The following SLC25A30 variants were observed in gnomAD, a reference collection of about 807,000 sequenced individuals.
The protein encoded by SLC25A30 is kidney mitochondrial carrier protein 1.
SLC25A30 carries 29 observed loss-of-function variants against 42.7 expected under a neutral mutation model. The ratio of observed to expected loss-of-function variants is 0.68; its 90% CI spans 0.51 to 0.93. The LOEUF (loss-of-function observed/expected upper bound fraction) is 0.93, where lower values mean the gene tolerates loss of function less well. Among genes scored for constraint, SLC25A30 ranks in the 40% least tolerant of loss-of-function variants. The probability of loss-of-function intolerance (pLI) is 0.00; values close to 1 mark genes in which losing one functional copy is unlikely to be tolerated. For synonymous variants in SLC25A30, 124 were observed against 131.0 expected, an observed-to-expected ratio of 0.95 and a Z score of 0.37; for missense variants, 300 against 359.7, an observed-to-expected ratio of 0.83 and a Z score of 1.34.
the SLC25A30 span, among the ~76,000 whole-genome samples, chr13:45,429,962 C>T: frequency 6.6e-6 from 1 of 151,702 alleles, no homozygotes; most frequent in Non-Finnish European, 1.5e-5. Flanking sequence ...GAAACTGATA[C>T]ATCACCTGAT....
chr13:45,424,902 A>ATT, the SLC25A30 span, among the ~76,000 whole-genome samples: 3 of 36,440 alleles, frequency 8.2e-5, no homozygotes, highest in African/African-American at 3.0e-4. Flanking sequence ...TTAAATATAT[A>ATT]TAAATATATA....
chr13:45,413,602 T>A (rs1238899678), intron 1 of SLC25A30, among the ~76,000 whole-genome samples: 1 of 150,932 alleles, frequency 6.6e-6, no homozygotes. Context: ...TCCCCCAGGC[T>A]GGAATGCAAT....
At chr13:45,423,604 TAA>T in the SLC25A30 span, among the ~76,000 whole-genome samples, 2 of 78,406 alleles carry the variant, frequency 2.6e-5, no homozygotes, top group East Asian at 5.3e-4. Flanking sequence ...TATATATATA[TAA>T]ATATATATAA....
chr13:45,423,862 AT>A, the SLC25A30 span, among the ~76,000 whole-genome samples: 1 of 74,972 alleles, frequency 1.3e-5, no homozygotes, highest in Admixed American at 2.5e-4. Flanking sequence ...ATATATATAA[AT>A]ATATATAAAA....
chr13:45,429,516 C>T, the SLC25A30 span, among the ~76,000 whole-genome samples: 198 of 152,156 alleles, frequency 1.3e-3, no homozygotes, highest in African/African-American at 4.6e-3. Context: ...GAAAGGAATT[C>T]TCAAGATGAC....
chr13:45,414,552 A>T (rs1883330585), intron 1 of SLC25A30, among the ~76,000 whole-genome samples: 1 of 150,598 alleles, frequency 6.6e-6, no homozygotes, highest in African/African-American at 2.4e-5. Context: ...GGGAGGCGGA[A>T]GTTGCAGTGA....
At position 45,393,555 on chromosome 13, in the gene SLC25A30, C is replaced by CA. The variant is rs889823726; in HGVS notation, c.*2418dup. ...TTACACAAATCCATAAGCACACAAA[C>CA]AAAAAAACCCATTGGTTATAAAAAC... On this transcript the variant is annotated 3_prime_UTR_variant, in exon 10 of 10. Coordinates refer to ENST00000519676, the MANE Select transcript of SLC25A30 (RefSeq NM_001010875.4). The CA allele has an allele frequency of 2.3e-5, 23 of 985,056 alleles. No individual in the cohort carries two copies. In the African/African-American group the frequency reaches 3.0e-4, roughly 13 times the overall value. The allele number at this position is 985,056 out of a possible 1,614,324, so 61.0% of individuals were successfully genotyped here.
rs1881124949 is a variant in SLC25A30 at position 45,393,886 on chromosome 13, GTAA to G, written c.*2085_*2087del. The G allele has an allele frequency of 3.0e-6, 3 of 985,134 alleles. No individual in the cohort carries two copies. The highest frequency in any genetic ancestry group is 1.2e-6 in the Non-Finnish European group (1 of 829,900). 61.0% of individuals were successfully genotyped at this position (985,134 alleles called of 1,614,324 possible). ...ACATGTATGTAATTTGAATAAACTG[GTAA>G]TAATACTGTCTGACATTCGCTCTTT... On this transcript the variant is annotated 3_prime_UTR_variant, in exon 10 of 10. Coordinates refer to ENST00000519676, the MANE Select transcript of SLC25A30 (RefSeq NM_001010875.4).
At chr13:45,423,508 G>C in the SLC25A30 span, among the ~76,000 whole-genome samples, 31 of 122,324 alleles carry the variant, frequency 2.5e-4, no homozygotes, top group African/African-American at 9.2e-4. Context: ...ATTAAGAATA[G>C]TTTATATATA....
rs1882760568 is a variant in SLC25A30, at chr13:45,408,935, G to C, written c.204C>G (p.Leu68=). 1 of 1,608,590 alleles carries C rather than the reference G, an allele frequency of 6.2e-7. No homozygotes were observed. Among genetic ancestry groups the C allele is most frequent in the Non-Finnish European group, 8.5e-7 (1 of 1,177,890 alleles). The stretch of plus-strand genomic sequence containing the variant: ...CATGAAGGCCTACTCACCCCGAGTA[G>C]AGTGCTTTCAGCCCTTCTTCTCTGC... ...RIGREEGLKA[L]YSGIAPAMLR... is the part of the protein sequence containing the mutation. The change falls in exon 3 of 10, where the codon CTC becomes CTG. Residue 68 remains leucine (L), a synonymous_variant. Transcript: ENST00000519676.
intron 8 of SLC25A30, 41 bp from the exon 9 acceptor site, chr13:45,397,379 A>G: frequency 7.2e-7 from 1 of 1,386,102 alleles, no homozygotes; most frequent in Non-Finnish European, 1.0e-6. Context: ...CAACTTTCTA[A>G]TTATGCCAAA....
At chr13:45,414,339 C>T (rs903848221) in intron 1 of SLC25A30, among the ~76,000 whole-genome samples, 1 of 151,998 alleles carries the variant, frequency 6.6e-6, no homozygotes, top group Non-Finnish European at 1.5e-5. Flanking sequence ...GAAAAGGGGG[C>T]GGGCGCAGTG....
In SLC25A30 at chr13:45,411,396, C is replaced by T. The variant is rs1258778691; in HGVS notation, c.30G>A (p.Val10=). ...CAGTGATGGAGGCCAGCCCCCCGTACACAAACGGCTTCCAGTTGAGGGCTG... is the reference window on the plus strand; with the variant it reads ...CAGTGATGGAGGCCAGCCCCCCGTATACAAACGGCTTCCAGTTGAGGGCTG... MSALNWKPF[V]YGGLASITAE... The change falls in exon 2 of 10, where the codon GTG becomes GTA. Residue 10 remains valine (V), a synonymous_variant. Transcript: ENST00000519676. 1.9e-6 allele frequency: 3 copies of T among 1,614,076 alleles called. No individual in the cohort carries two copies. The highest frequency in any genetic ancestry group is 2.2e-5 in the South Asian group (2 of 91,090).
At chr13:45,426,231 C>T in the SLC25A30 span, among the ~76,000 whole-genome samples, 3 of 151,790 alleles carry the variant, frequency 2.0e-5, no homozygotes, top group Admixed American at 6.6e-5. Context: ...GGACTACAGG[C>T]GTGCGCCACC....
At position 45,399,043 on chromosome 13, in the gene SLC25A30, G is replaced by GC; in HGVS notation, c.649dup (p.Ala217GlyfsTer6). The GC allele has an allele frequency of 6.2e-7, 1 of 1,613,134 alleles. No individual in the cohort carries two copies. Among genetic ancestry groups the GC allele is most frequent in the African/African-American group, 1.3e-5 (1 of 74,884 alleles). On this transcript the variant is annotated frameshift_variant, in exon 8 of 10. Transcript: ENST00000519676. LOFTEE classifies it high-confidence loss of function. Reference sequence around the variant, plus strand: ...CCTCACAACATCAACAGGGTTTGAGGCCAGGGCCCCTGCCAGACCACAGGT... The same window carrying GC: ...CCTCACAACATCAACAGGGTTTGAGGCCCAGGGCCCCTGCCAGACCACAGGT...
chr13:45,406,522 A>G (rs1416680545), intron 3 of SLC25A30, among the ~76,000 whole-genome samples: 3 of 152,164 alleles, frequency 2.0e-5, no homozygotes, highest in Non-Finnish European at 4.4e-5. Flanking sequence ...ATCAGGAAAA[A>G]CAAGCCTACT....
chr13:45,423,741 A>AAC, the SLC25A30 span, among the ~76,000 whole-genome samples: 19 of 19,640 alleles, frequency 9.7e-4, 1 homozygote, highest in South Asian at 5.6e-3. Context: ...AATATATATA[A>AAC]ATATATAAAT....
At chr13:45,410,578 C>G (rs552868301) in intron 2 of SLC25A30, among the ~76,000 whole-genome samples, 57 of 151,638 alleles carry the variant, frequency 3.8e-4, no homozygotes, top group Middle Eastern at 3.4e-3. Flanking sequence ...TCTGGGAGGC[C>G]GAGGCAAGTG....
chr13:45,396,216 T>A, intron 9 of SLC25A30: 1 of 1,435,934 alleles, frequency 7.0e-7, no homozygotes, highest in Non-Finnish European at 9.1e-7. Flanking sequence ...AGATCACAGC[T>A]GAGATATGTA....
Sources: allele counts gnomAD v4.1 joint callset (sites outside exome capture counted in the v4.1 genomes callset), GRCh38; gene constraint gnomAD v4.1.1; transcripts MANE v1.5; gene names NCBI Gene and HGNC (gene_info 2026-07-23, HGNC 2026-07-21).